Variants in SLC7A14 observed in about 807,000 individuals in gnomAD.
SLC7A14 encodes the protein solute carrier family 7 member 14, also known as gamma-aminobutyric acid transporter SLC7A14.
A neutral mutation model predicts 60.2 loss-of-function variants in SLC7A14; 37 were observed. The observed-to-expected ratio is 0.61, with a 90% CI of 0.47 to 0.81. The LOEUF (loss-of-function observed/expected upper bound fraction) is 0.81. Ranked by LOEUF, SLC7A14 falls within the 30% of genes least tolerant of loss-of-function variation. SLC7A14 has a pLI of 0.00. For synonymous variants in SLC7A14, 399 were observed against 395.8 expected (o/e 1.01, Z -0.10); for missense variants, 886 against 982.7 (o/e 0.90, Z 1.32).
At chr3:170,568,451 C>G (rs1442596687) in intron 1 of SLC7A14, among the ~76,000 whole-genome samples, 1 of 152,140 alleles carries the variant, frequency 6.6e-6, no homozygotes, top group Non-Finnish European at 1.5e-5. Context: ...CATGATGCCT[C>G]CAGCTTTGTT....
intron 2 of SLC7A14, among the ~76,000 whole-genome samples, chr3:170,501,928 C>T (rs142794091): frequency 0.013 from 1,945 of 152,334 alleles, 41 homozygotes; most frequent in African/African-American, 0.044. Context: ...ATGTGCATGG[C>T]AGGGTGTGAA....
chr3:170,530,893 C>T (rs895665977), intron 1 of SLC7A14, among the ~76,000 whole-genome samples: 3 of 152,156 alleles, frequency 2.0e-5, no homozygotes, highest in Non-Finnish European at 4.4e-5. Context: ...AGAGGCCCTG[C>T]GGCAGGTTGT....
rs150810815 is a variant in SLC7A14, at chr3:170,542,194, C to G, written c.-152-15106G>C. Among the ~76,000 whole-genome samples the G allele has an allele frequency of 9.9e-3, 1,505 of 152,256 alleles. 17 individuals are homozygous for G. The highest frequency in any genetic ancestry group is 0.017 in the Non-Finnish European group (1,154 of 68,022). ...ATTCTCCCAGTTGCTACACAAAGCT[C>G]GAGCCAACATCTTTACTGGAAAGAT... On this transcript the variant is annotated intron_variant, in intron 1 of 7. Transcript: ENST00000231706.
intron 1 of SLC7A14, among the ~76,000 whole-genome samples, chr3:170,528,670 T>C (rs1195104495): frequency 1.3e-5 from 2 of 152,250 alleles, no homozygotes; most frequent in East Asian, 3.8e-4. Context: ...CTTCGTGCTG[T>C]GTTTTTATTC....
chr3:170,499,427 A>T (rs1712535181), intron 3 of SLC7A14, among the ~76,000 whole-genome samples: 2 of 152,028 alleles, frequency 1.3e-5, no homozygotes, highest in South Asian at 4.1e-4. Context: ...AAATTGGGCT[A>T]TGTGGTGTGA....
At chr3:170,572,060 C>CAAAAAAAAAAAAAAAAA (rs765897392) in intron 1 of SLC7A14, among the ~76,000 whole-genome samples, 2 of 80,710 alleles carry the variant, frequency 2.5e-5, no homozygotes, top group African/African-American at 4.4e-5. Flanking sequence ...GACTCTGTCT[C>CAAAAAAAAAAAAAAAAA]AAAAAAAAAA....
At chr3:170,523,444 GTCA>G (rs1432219682) in intron 2 of SLC7A14, among the ~76,000 whole-genome samples, 2 of 152,068 alleles carry the variant, frequency 1.3e-5, no homozygotes, top group Non-Finnish European at 2.9e-5. Context: ...CTTTTCATGA[GTCA>G]TCGTCACTCT....
rs375631949 is a variant in SLC7A14 at position 170,486,279 on chromosome 3, C to T, written c.849G>A (p.Thr283=). 1.9e-5 allele frequency: 31 copies of T among 1,614,032 alleles called. No individual in the cohort carries two copies. Among genetic ancestry groups the T allele is most frequent in the Middle Eastern group, 3.3e-4 (2 of 6,084 alleles). The part of the protein sequence containing the change: ...TTGEEAKNPN[T]SIPYAITASL... Reference sequence around the variant, plus strand: ...AGGCAGTGATAGCATAAGGGATGGACGTGTTGGGATTCTTGGCTTCCTCTC... The same window carrying T: ...AGGCAGTGATAGCATAAGGGATGGATGTGTTGGGATTCTTGGCTTCCTCTC... Residue 283 remains threonine (T), a synonymous_variant, in exon 5 of 8, where the codon ACG becomes ACA. Transcript: ENST00000231706.
intron 2 of SLC7A14, among the ~76,000 whole-genome samples, chr3:170,512,511 C>T (rs899876327): frequency 3.3e-5 from 5 of 152,088 alleles, no homozygotes; most frequent in African/African-American, 1.2e-4. Context: ...GGTTACAGTG[C>T]CTACTTCTGG....
intron 1 of SLC7A14, among the ~76,000 whole-genome samples, chr3:170,577,492 C>T (rs1715126740): frequency 6.6e-6 from 1 of 151,556 alleles, no homozygotes; most frequent in Admixed American, 6.6e-5. Context: ...GTGGCGGGCG[C>T]CTGTAGTCCC....
intron 1 of SLC7A14, among the ~76,000 whole-genome samples, chr3:170,573,161 A>T (rs766936020): frequency 6.6e-6 from 1 of 152,236 alleles, no homozygotes; most frequent in African/African-American, 2.4e-5. Flanking sequence ...GCAAGGCCAG[A>T]TCATAGTGCC....
At chr3:170,576,294 T>G (rs1715089347) in intron 1 of SLC7A14, among the ~76,000 whole-genome samples, 1 of 152,242 alleles carries the variant, frequency 6.6e-6, no homozygotes, top group South Asian at 2.1e-4. Flanking sequence ...AGGCCCATGC[T>G]TGTCATAAAA....
chr3:170,512,238 C>T (rs12107087), intron 2 of SLC7A14, among the ~76,000 whole-genome samples: 17,088 of 152,168 alleles, frequency 0.11, 1,412 homozygotes, highest in African/African-American at 0.23. Flanking sequence ...CACCTGAGCC[C>T]TCACGTGGCC....
In SLC7A14 at chr3:170,466,842, T is replaced by C. The variant is rs1267761233; in HGVS notation, c.*213A>G. The C allele has an allele frequency of 3.9e-6, 2 of 508,422 alleles. No homozygotes were observed. The highest frequency in any genetic ancestry group is 6.9e-6 in the Non-Finnish European group (2 of 291,228). 31.5% of individuals were successfully genotyped at this position (508,422 alleles called of 1,614,324 possible). A position where few individuals can be genotyped will look rare whatever the true frequency, so the allele number is the denominator to read the frequency against. ...CCTCTTGTTTATTTATTTATTTTATTTAACAAGGCGACCAGTTAGGGGACC... is the reference window on the plus strand; with the variant it reads ...CCTCTTGTTTATTTATTTATTTTATCTAACAAGGCGACCAGTTAGGGGACC... On this transcript the variant is annotated 3_prime_UTR_variant, in exon 8 of 8. Coordinates refer to ENST00000231706, the MANE Select transcript of SLC7A14 (RefSeq NM_020949.3).
At chr3:170,554,709 A>G (rs1714440127) in intron 1 of SLC7A14, among the ~76,000 whole-genome samples, 1 of 152,180 alleles carries the variant, frequency 6.6e-6, no homozygotes, top group Non-Finnish European at 1.5e-5. Flanking sequence ...TGTGGTTATT[A>G]TCTCTTTGCT....
At chr3:170,551,154 C>T (rs1269701832) in intron 1 of SLC7A14, among the ~76,000 whole-genome samples, 8 of 152,076 alleles carry the variant, frequency 5.3e-5, no homozygotes, top group African/African-American at 1.2e-4. Flanking sequence ...TATATGTGGC[C>T]TTTTGTATCT....
intron 2 of SLC7A14, among the ~76,000 whole-genome samples, chr3:170,525,679 A>G (rs899022364): frequency 2.6e-5 from 4 of 151,990 alleles, no homozygotes; most frequent in African/African-American, 4.8e-5. Flanking sequence ...TGTAAAGGAG[A>G]GTTAAAATAA....
chr3:170,581,400 G>T (rs1715231386), intron 1 of SLC7A14, among the ~76,000 whole-genome samples: 1 of 151,978 alleles, frequency 6.6e-6, no homozygotes, highest in South Asian at 2.1e-4. Context: ...TAGTTAAAAG[G>T]TAAAAGCTGT....
intron 4 of SLC7A14, among the ~76,000 whole-genome samples, chr3:170,491,697 A>G (rs116051072): frequency 0.039 from 5,930 of 152,264 alleles, 177 homozygotes; most frequent in Non-Finnish European, 0.056. Flanking sequence ...TTGTGGAGGC[A>G]CAGCCAGTGT....
Sources: gnomAD v4.1 joint callset for allele counts (sites outside exome capture counted in the v4.1 genomes callset) on GRCh38, gnomAD v4.1.1 for gene constraint, MANE v1.5 for transcripts, NCBI Gene and HGNC (gene_info 2026-07-23, HGNC 2026-07-21) for gene names.